The following WASHC4 variants were observed in gnomAD, a reference collection of about 807,000 sequenced individuals.
The protein encoded by WASHC4 is WASH complex subunit 4.
In WASHC4, 86 loss-of-function variants were observed where a neutral mutation model predicts 166.6. That is an observed-to-expected ratio of 0.52 (90% confidence interval 0.43 to 0.62). WASHC4 has a LOEUF of 0.62. Among genes scored for constraint, WASHC4 ranks in the 20% least tolerant of loss-of-function variants. The pLI, the probability that WASHC4 is intolerant of heterozygous loss-of-function variation, is 0.00. For missense variants in WASHC4, 1,262 were observed against 1,382.4 expected (o/e 0.91, Z 1.38); for synonymous variants, 446 against 451.6 (o/e 0.99, Z 0.16).
At chr12:105,120,477 C>T (rs1284573322) in intron 7 of WASHC4, 78 bp from the exon 8 acceptor site, 4 of 831,280 alleles carry the variant, frequency 4.8e-6, no homozygotes, top group Non-Finnish European at 8.4e-6. Flanking sequence ...AGATCATCTG[C>T]TCCTGTATGT....
chr12:105,153,040 G>A (rs892887399), intron 26 of WASHC4, among the ~76,000 whole-genome samples: 2 of 152,142 alleles, frequency 1.3e-5, no homozygotes, highest in Admixed American at 1.3e-4. Flanking sequence ...AACCCTGTGA[G>A]ATAGGCATGT....
intron 2 of WASHC4, among the ~76,000 whole-genome samples, chr12:105,113,555 A>G (rs1879890766): frequency 6.6e-6 from 1 of 152,118 alleles, no homozygotes; most frequent in Non-Finnish European, 1.5e-5. Flanking sequence ...GGGAAAAACC[A>G]CAAACTCAGA....
chr12:105,112,624 T>C (rs1057420467), intron 2 of WASHC4, among the ~76,000 whole-genome samples: 3 of 152,180 alleles, frequency 2.0e-5, no homozygotes, highest in Admixed American at 6.5e-5. Flanking sequence ...TGAAAGCTCA[T>C]TGTGGCTTTG....
chr12:105,151,888 TCCTAATCAA>T (rs1006138597), intron 25 of WASHC4, among the ~76,000 whole-genome samples: 6 of 152,228 alleles, frequency 3.9e-5, no homozygotes, highest in Middle Eastern at 3.2e-3. Flanking sequence ...TTCCTAAATC[TCCTAATCAA>T]CCAAGACCAA....
chr12:105,142,696 TTATAGTC>T (rs1465249197), intron 19 of WASHC4, 138 bp downstream of exon 19: 7 of 610,318 alleles, frequency 1.1e-5, no homozygotes, highest in Admixed American at 2.8e-5. Context: ...CATAAAGTGT[TTATAGTC>T]TGTAGTTAAA....
intron 4 of WASHC4, 122 bp downstream of exon 4, chr12:105,114,549 T>A (rs760742064): frequency 2.3e-5 from 17 of 723,916 alleles, no homozygotes; most frequent in Non-Finnish European, 4.0e-5. Flanking sequence ...TTATTTAACG[T>A]AATACTAATA....
At chr12:105,148,133 A>T in intron 24 of WASHC4, 1 of 985,228 alleles carries the variant, frequency 1.0e-6, no homozygotes, top group East Asian at 1.1e-4. Flanking sequence ...TTAAGTTGGG[A>T]TCATTTAAGT....
At chr12:105,109,770 C>G (rs1224769118) in intron 1 of WASHC4, among the ~76,000 whole-genome samples, 1 of 151,704 alleles carries the variant, frequency 6.6e-6, no homozygotes, top group Non-Finnish European at 1.5e-5. Context: ...CCTCAGCCTC[C>G]TTAGTAGCTG....
At chr12:105,144,635 G>A in intron 21 of WASHC4, 83 bp from the exon 22 acceptor site, 3 of 1,264,378 alleles carry the variant, frequency 2.4e-6, no homozygotes, top group Admixed American at 4.0e-5. Flanking sequence ...GATGTTCAAG[G>A]ACAAGTTGTT....
At chr12:105,114,863 C>G (rs988114008) in intron 4 of WASHC4, among the ~76,000 whole-genome samples, 1 of 151,948 alleles carries the variant, frequency 6.6e-6, no homozygotes, top group Admixed American at 6.6e-5. Context: ...AGTTGACAAA[C>G]TTCGTATTTT....
chr12:105,123,152 A>G (rs1880940638), intron 10 of WASHC4, among the ~76,000 whole-genome samples: 1 of 152,190 alleles, frequency 6.6e-6, no homozygotes. Flanking sequence ...TCTCTCTACT[A>G]AAAATGCAAA....
At chr12:105,137,716 A>G (rs1023397366) in intron 14 of WASHC4, among the ~76,000 whole-genome samples, 170 bp from the exon 15 acceptor site, 1 of 152,214 alleles carries the variant, frequency 6.6e-6, no homozygotes, top group South Asian at 2.1e-4. Context: ...ACCACCATGT[A>G]TAACATTGTC....
intron 20 of WASHC4, among the ~76,000 whole-genome samples, chr12:105,144,020 C>T (rs1883088320): frequency 6.6e-6 from 1 of 151,780 alleles, no homozygotes; most frequent in Non-Finnish European, 1.5e-5. Context: ...TTCTCATGCC[C>T]TTTCCTCCTT....
intron 26 of WASHC4, among the ~76,000 whole-genome samples, chr12:105,153,719 G>C (rs1645951503): frequency 6.6e-6 from 1 of 152,204 alleles, no homozygotes; most frequent in African/African-American, 2.4e-5. Flanking sequence ...TGTCCTTCTA[G>C]AGCAGTGTTA....
In WASHC4 at chr12:105,146,519, A is replaced by G. The variant is rs1156236589; in HGVS notation, c.2402A>G (p.Asn801Ser). 1.3e-6 allele frequency: 2 copies of G among 1,591,778 alleles called. No individual in the cohort carries two copies. Among genetic ancestry groups the G allele is most frequent in the Admixed American group, 3.4e-5 (2 of 59,658 alleles). The change falls in exon 23 of 33, where the codon AAC (asparagine) becomes AGC (serine). Residue 801 changes from asparagine (N) to serine (S), a missense_variant. Transcript: ENST00000332180. ...GTGTCCCGATACCTCTATAATCTCA[A>G]CAATCAGGTGAGTAGGGTTTATAAA... is the stretch of plus-strand genomic sequence containing the variant. The part of the protein sequence containing the change: ...IFVSRYLYNL[N>S]NQIFIERTSN...
At chr12:105,128,626 G>A (rs1437446166) in intron 13 of WASHC4, among the ~76,000 whole-genome samples, 2 of 152,170 alleles carry the variant, frequency 1.3e-5, no homozygotes, top group African/African-American at 2.4e-5. Context: ...GAGCATTTTG[G>A]ATTTCAGATT....
In WASHC4 at chr12:105,120,614, T is replaced by A; in HGVS notation, c.561+17T>A. On this transcript the variant is annotated intron_variant, in intron 8 of 32. Transcript: ENST00000332180. ...CATTTTCAGGTAAAAGACATTTAGCTTGACCTGTAAAACTGTAATTATTAC... is the reference window on the plus strand; with the variant it reads ...CATTTTCAGGTAAAAGACATTTAGCATGACCTGTAAAACTGTAATTATTAC... The A allele has an allele frequency of 6.4e-7, 1 of 1,568,888 alleles. No individual in the cohort carries two copies.
intron 26 of WASHC4, among the ~76,000 whole-genome samples, chr12:105,154,327 C>T (rs1254232633): frequency 1.3e-5 from 2 of 152,286 alleles, no homozygotes; most frequent in South Asian, 2.1e-4. Context: ...CTGCGCCCGG[C>T]CAATACAAAT....
At chr12:105,150,042 A>T (rs1007885334) in intron 25 of WASHC4, among the ~76,000 whole-genome samples, 1 of 152,214 alleles carries the variant, frequency 6.6e-6, no homozygotes, top group Non-Finnish European at 1.5e-5. Flanking sequence ...TTCTCTTTCC[A>T]TTCCATTTTC....
Sources: allele counts gnomAD v4.1 joint callset (sites outside exome capture counted in the v4.1 genomes callset), GRCh38; gene constraint gnomAD v4.1.1; transcripts MANE v1.5; gene names NCBI Gene and HGNC (gene_info 2026-07-23, HGNC 2026-07-21).